The following GALNT2 variants were observed in gnomAD, a reference collection of about 807,000 sequenced individuals.
GALNT2 encodes the protein UDP-GalNAc:polypeptide N-acetylgalactosaminyltransferase 2.
Under a neutral mutation model 81.4 loss-of-function variants are expected in GALNT2, and 31 were observed. The observed-to-expected ratio is 0.38, with a 90% CI of 0.29 to 0.51. GALNT2 has a LOEUF of 0.51. Ranked by LOEUF, GALNT2 falls within the 20% of genes least tolerant of loss-of-function variation. The pLI is 0.87. For missense variants in GALNT2, 629 were observed against 765.7 expected (o/e 0.82, Z 2.11); for synonymous variants, 303 against 287.4 (o/e 1.05, Z -0.55).
At chr1:230,151,297 C>T (rs917618413) in intron 1 of GALNT2, among the ~76,000 whole-genome samples, 1 of 152,178 alleles carries the variant, frequency 6.6e-6, no homozygotes, top group Non-Finnish European at 1.5e-5. Flanking sequence ...CTTGCTCTGA[C>T]CACCGTTGAC....
intron 10 of GALNT2, 105 bp downstream of exon 10, chr1:230,250,665 C>G (rs1572138163): frequency 1.4e-6 from 1 of 717,718 alleles, no homozygotes; most frequent in East Asian, 2.6e-5. Flanking sequence ...TGACCATTCA[C>G]TGGGCTTAAT....
At chr1:230,233,232 C>A (rs960226545) in intron 3 of GALNT2, among the ~76,000 whole-genome samples, 2 of 152,164 alleles carry the variant, frequency 1.3e-5, no homozygotes, top group African/African-American at 4.8e-5. Context: ...CTATCTCCTT[C>A]GTCCACTGAT....
intron 2 of GALNT2, among the ~76,000 whole-genome samples, chr1:230,192,256 C>T (rs1357869875): frequency 1.3e-5 from 2 of 152,200 alleles, no homozygotes; most frequent in Admixed American, 6.5e-5. Flanking sequence ...GTGGTTCCAT[C>T]GTCTTACAGC....
chr1:230,094,163 ATTTTTTTTTTTTT>A (rs58639878), intron 1 of GALNT2, among the ~76,000 whole-genome samples: 10 of 119,360 alleles, frequency 8.4e-5, no homozygotes, highest in African/African-American at 2.9e-4. Context: ...ATGCTGGCTA[ATTTTTTTTTTTTT>A]TTTTTTTTTT....
chr1:230,210,725 C>A (rs1664208153), intron 3 of GALNT2, among the ~76,000 whole-genome samples: 1 of 152,168 alleles, frequency 6.6e-6, no homozygotes, highest in Non-Finnish European at 1.5e-5. Flanking sequence ...AAACATAGGT[C>A]AAAGCTCTTA....
intron 11 of GALNT2, among the ~76,000 whole-genome samples, chr1:230,255,990 A>G (rs1665701993): frequency 6.6e-6 from 1 of 152,104 alleles, no homozygotes; most frequent in South Asian, 2.1e-4. Context: ...GTGTCTGGCG[A>G]GGGTCTTCTT....
At chr1:230,196,907 C>G (rs1214720698) in intron 2 of GALNT2, among the ~76,000 whole-genome samples, 3 of 152,126 alleles carry the variant, frequency 2.0e-5, no homozygotes, top group Admixed American at 6.5e-5. Context: ...CTGGGTTTCT[C>G]AGACCCAGTA....
intron 10 of GALNT2, among the ~76,000 whole-genome samples, chr1:230,252,306 C>T (rs182559127): frequency 8.5e-5 from 13 of 152,298 alleles, no homozygotes; most frequent in African/African-American, 2.6e-4. Context: ...ACCTCCTCAA[C>T]GTGTGCCCCG....
intron 2 of GALNT2, among the ~76,000 whole-genome samples, chr1:230,184,916 A>G (rs1028456914): frequency 6.6e-6 from 1 of 152,024 alleles, no homozygotes; most frequent in Non-Finnish European, 1.5e-5. Flanking sequence ...ATATTATTTC[A>G]ATTTTTTTCA....
intron 3 of GALNT2, among the ~76,000 whole-genome samples, chr1:230,233,266 A>C (rs556558915): frequency 1.5e-4 from 23 of 152,308 alleles, no homozygotes; most frequent in African/African-American, 5.5e-4. Flanking sequence ...TATTATCTCT[A>C]ATTTTGGGGG....
chr1:230,208,918 G>T (rs1182385516), intron 3 of GALNT2, among the ~76,000 whole-genome samples: 1 of 151,948 alleles, frequency 6.6e-6, no homozygotes, highest in Non-Finnish European at 1.5e-5. Flanking sequence ...TTACCACCAG[G>T]GCCCAATGAA....
chr1:230,143,632 A>G (rs954197356), intron 1 of GALNT2, among the ~76,000 whole-genome samples: 1 of 152,238 alleles, frequency 6.6e-6, no homozygotes, highest in East Asian at 1.9e-4. Context: ...GGCTTTACGC[A>G]GCATGTTGCT....
intron 1 of GALNT2, among the ~76,000 whole-genome samples, chr1:230,103,835 G>A (rs776511581): frequency 6.6e-6 from 1 of 152,056 alleles, no homozygotes; most frequent in Non-Finnish European, 1.5e-5. Context: ...CCCTTATTAG[G>A]TAATGGATTG....
At chr1:230,179,600 C>T (rs1663095337) in intron 2 of GALNT2, among the ~76,000 whole-genome samples, 1 of 152,142 alleles carries the variant, frequency 6.6e-6, no homozygotes, top group Admixed American at 6.5e-5. Context: ...TGTATATTTT[C>T]TTTTCTGAGG....
intron 1 of GALNT2, among the ~76,000 whole-genome samples, chr1:230,101,761 G>A (rs931687360): frequency 1.3e-5 from 2 of 152,166 alleles, no homozygotes; most frequent in Non-Finnish European, 2.9e-5. Flanking sequence ...AATTATTCTT[G>A]TTCCTCCTGA....
intron 3 of GALNT2, among the ~76,000 whole-genome samples, chr1:230,228,411 G>T (rs2102729281): frequency 6.6e-6 from 1 of 152,074 alleles, no homozygotes; most frequent in Admixed American, 6.5e-5. Context: ...AGGCAGCATG[G>T]TACAGGTGCG....
chr1:230,202,912 C>T (rs1331804701), intron 2 of GALNT2, among the ~76,000 whole-genome samples: 5 of 152,194 alleles, frequency 3.3e-5, no homozygotes. Flanking sequence ...TACACCAGGC[C>T]TTTAACTTTC....
At chr1:230,109,529 TAAG>T (rs1183909178) in intron 1 of GALNT2, among the ~76,000 whole-genome samples, 1 of 152,150 alleles carries the variant, frequency 6.6e-6, no homozygotes, top group Non-Finnish European at 1.5e-5. Flanking sequence ...GGAGTAGACT[TAAG>T]AAGGAACACT....
chr1:230,224,104 T>C (rs979365813), intron 3 of GALNT2, among the ~76,000 whole-genome samples: 6 of 152,138 alleles, frequency 3.9e-5, no homozygotes, highest in Admixed American at 2.6e-4. Context: ...ACCCTCAGCT[T>C]GGAAACCAGA....
Sources: allele counts gnomAD v4.1 joint callset (sites outside exome capture counted in the v4.1 genomes callset), GRCh38; gene constraint gnomAD v4.1.1; transcripts MANE v1.5; gene names NCBI Gene and HGNC (gene_info 2026-07-23, HGNC 2026-07-21).